Variants in CERS6 observed in about 807,000 individuals in gnomAD.
The protein encoded by CERS6 is LAG1 homolog, ceramide synthase 6.
A neutral mutation model predicts 56.8 loss-of-function variants in CERS6; 26 were observed. The ratio of observed to expected loss-of-function variants is 0.46; its 90% confidence interval spans 0.34 to 0.63. The LOEUF (loss-of-function observed/expected upper bound fraction) is 0.63. Ranked by LOEUF, CERS6 falls within the 30% of genes least tolerant of loss-of-function variation. The pLI, the probability that CERS6 is intolerant of heterozygous loss-of-function variation, is 0.01. For synonymous variants in CERS6, 164 were observed against 173.3 expected (o/e 0.95, Z 0.42); for missense variants, 415 against 467.5 (o/e 0.89, Z 1.04).
At chr2:168,629,487 A>G (rs1358731177) in intron 3 of CERS6, among the ~76,000 whole-genome samples, 1 of 152,212 alleles carries the variant, frequency 6.6e-6, no homozygotes, top group Admixed American at 6.5e-5. Context: ...CATTATAGAG[A>G]TGGAACTGAG....
chr2:168,637,020 T>C (rs1305082923), intron 4 of CERS6, among the ~76,000 whole-genome samples: 1 of 152,204 alleles, frequency 6.6e-6, no homozygotes, highest in African/African-American at 2.4e-5. Context: ...CTATCCTAAC[T>C]AATGGCTTTC....
intron 1 of CERS6, among the ~76,000 whole-genome samples, chr2:168,498,519 G>C (rs796316435): frequency 2.6e-5 from 4 of 152,308 alleles, no homozygotes; most frequent in African/African-American, 9.6e-5. Flanking sequence ...GGTTATGGGG[G>C]AGCTATGAAT....
chr2:168,569,077 G>T (rs969279756), intron 3 of CERS6, among the ~76,000 whole-genome samples: 1 of 152,136 alleles, frequency 6.6e-6, no homozygotes. Flanking sequence ...ACAAAATACC[G>T]CAGACTGTGT....
chr2:168,721,849 G>A (rs1211875358), intron 8 of CERS6, among the ~76,000 whole-genome samples: 1 of 151,966 alleles, frequency 6.6e-6, no homozygotes, highest in Non-Finnish European at 1.5e-5. Flanking sequence ...TGAACTCCTG[G>A]CCTCAAGCAA....
chr2:168,557,152 A>G (rs1159758875), intron 2 of CERS6, among the ~76,000 whole-genome samples: 4 of 152,154 alleles, frequency 2.6e-5, no homozygotes, highest in African/African-American at 9.7e-5. Context: ...CAAGAGAGTT[A>G]GACCCTATCT....
At chr2:168,634,502 T>A (rs1302967384) in intron 4 of CERS6, among the ~76,000 whole-genome samples, 1 of 152,156 alleles carries the variant, frequency 6.6e-6, no homozygotes, top group Non-Finnish European at 1.5e-5. Flanking sequence ...AACCTACCCC[T>A]CCTGGGTTCA....
intron 2 of CERS6, among the ~76,000 whole-genome samples, chr2:168,551,875 T>C (rs1242833322): frequency 2.6e-5 from 4 of 152,224 alleles, no homozygotes; most frequent in African/African-American, 9.6e-5. Flanking sequence ...TAACTGGTTA[T>C]ATTCAGAATT....
intron 8 of CERS6, among the ~76,000 whole-genome samples, chr2:168,725,237 C>T (rs1683316642): frequency 1.3e-5 from 2 of 152,386 alleles, no homozygotes; most frequent in South Asian, 4.1e-4. Flanking sequence ...TCCAGCTGGC[C>T]TGCAAGCGCT....
intron 1 of CERS6, among the ~76,000 whole-genome samples, chr2:168,519,236 A>G (rs1694936782): frequency 6.6e-6 from 1 of 152,222 alleles, no homozygotes; most frequent in Admixed American, 6.5e-5. Flanking sequence ...CTGACCATAT[A>G]TCATAAATTA....
chr2:168,621,933 A>G (rs1231806109), intron 3 of CERS6, among the ~76,000 whole-genome samples: 1 of 152,238 alleles, frequency 6.6e-6, no homozygotes, highest in Non-Finnish European at 1.5e-5. Flanking sequence ...AGAACAAGTC[A>G]TATGACGTTT....
intron 1 of CERS6, among the ~76,000 whole-genome samples, chr2:168,485,097 C>T (rs1282685594): frequency 6.6e-6 from 1 of 151,654 alleles, no homozygotes; most frequent in Non-Finnish European, 1.5e-5. Flanking sequence ...TGAAAATGTC[C>T]TTTGGTGCCA....
chr2:168,740,047 A>C (rs1027177979), intron 8 of CERS6, among the ~76,000 whole-genome samples: 5 of 152,160 alleles, frequency 3.3e-5, no homozygotes, highest in Admixed American at 1.3e-4. Context: ...TCCAGGTCCA[A>C]TTAGGAGCTG....
At chr2:168,484,165 C>CTTTTTTT (rs1694229616) in intron 1 of CERS6, among the ~76,000 whole-genome samples, 1 of 46,386 alleles carries the variant, frequency 2.2e-5, no homozygotes. Context: ...TTTCTTTTTT[C>CTTTTTTT]TGTTTTTTTT....
At chr2:168,579,733 C>A (rs959220539) in intron 3 of CERS6, among the ~76,000 whole-genome samples, 3 of 152,164 alleles carry the variant, frequency 2.0e-5, no homozygotes, top group African/African-American at 7.2e-5. Context: ...AATCTGGAAA[C>A]CCTGGCCTGC....
chr2:168,516,909 A>G (rs944334404), intron 1 of CERS6, among the ~76,000 whole-genome samples: 5 of 152,126 alleles, frequency 3.3e-5, no homozygotes, highest in Admixed American at 1.3e-4. Flanking sequence ...TGCACTCTTG[A>G]TCACAAGTCT....
At chr2:168,768,396 A>ATT (rs575098081) in intron 9 of CERS6, among the ~76,000 whole-genome samples, 6 of 143,444 alleles carry the variant, frequency 4.2e-5, no homozygotes, top group East Asian at 2.0e-4. Context: ...CACCCGGCTA[A>ATT]TTTTTTTTTT....
At chr2:168,467,493 T>G (rs1203918272) in intron 1 of CERS6, among the ~76,000 whole-genome samples, 1 of 152,358 alleles carries the variant, frequency 6.6e-6, no homozygotes, top group East Asian at 1.9e-4. Context: ...TAAATTGTGT[T>G]GCTCTTTTGT....
intron 4 of CERS6, among the ~76,000 whole-genome samples, chr2:168,645,142 T>TAGAGAGAGAGAGAG (rs35865470): frequency 7.1e-4 from 9 of 12,746 alleles, no homozygotes; most frequent in East Asian, 2.8e-3. Context: ...TATATATATA[T>TAGAGAGAGAGAGAG]AGAGAGAGAG....
At chr2:168,650,201 T>G (rs908775967) in intron 4 of CERS6, among the ~76,000 whole-genome samples, 6 of 152,138 alleles carry the variant, frequency 3.9e-5, no homozygotes, top group African/African-American at 1.4e-4. Flanking sequence ...AAACCTCTGT[T>G]TGGGTAGGGT....
Sources: allele counts gnomAD v4.1 joint callset (sites outside exome capture counted in the v4.1 genomes callset), GRCh38; gene constraint gnomAD v4.1.1; transcripts MANE v1.5; gene names NCBI Gene and HGNC (gene_info 2026-07-23, HGNC 2026-07-21).